Variants in SAMD14 observed in about 807,000 individuals in gnomAD.
The protein encoded by SAMD14 is sterile alpha motif domain containing 14.
Under a neutral mutation model 46.2 loss-of-function variants are expected in SAMD14, and 27 were observed. The observed-to-expected ratio is 0.58, with a 90% CI of 0.43 to 0.81. The LOEUF is 0.81. Among genes scored for constraint, SAMD14 ranks in the 30% least tolerant of loss-of-function variants. The pLI is 0.00. For synonymous variants in SAMD14, 241 were observed against 254.3 expected, an observed-to-expected ratio of 0.95 and a Z score of 0.50; for missense variants, 559 against 582.2, an observed-to-expected ratio of 0.96 and a Z score of 0.41.
chr17:50,114,415 T>A, intron 7 of SAMD14, 109 bp from the exon 8 acceptor site: 1 of 1,613,752 alleles, frequency 6.2e-7, no homozygotes, highest in Non-Finnish European at 8.5e-7. Flanking sequence ...GCTCAGTGCC[T>A]CCTGTGCATG....
intron 1 of SAMD14, chr17:50,125,267 A>T: frequency 2.7e-6 from 1 of 375,094 alleles, no homozygotes; most frequent in East Asian, 5.2e-5. Flanking sequence ...GTGTGCCTTC[A>T]CGTGGGTCAC....
At chr17:50,128,514 C>CACACACACACA (rs1555563464) in intron 1 of SAMD14, among the ~76,000 whole-genome samples, 1 of 137,308 alleles carries the variant, frequency 7.3e-6, no homozygotes, top group Non-Finnish European at 1.5e-5. Context: ...ACACACACAC[C>CACACACACACA]CCCATTCAGC....
At chr17:50,114,448 C>T (rs1287500201) in intron 7 of SAMD14, 142 bp from the exon 8 acceptor site, 3 of 1,612,000 alleles carry the variant, frequency 1.9e-6, no homozygotes, top group South Asian at 2.2e-5. Context: ...GGCCTGCACA[C>T]AGGACATGAT....
At chr17:50,114,859 C>T (rs1208479902) in intron 7 of SAMD14, 1 of 162,178 alleles carries the variant, frequency 6.2e-6, no homozygotes, top group Non-Finnish European at 1.3e-5. Flanking sequence ...TCTCCTCTGC[C>T]CAGCTGCACG....
chr17:50,127,653 G>A (rs1911841367), intron 1 of SAMD14, among the ~76,000 whole-genome samples: 1 of 152,018 alleles, frequency 6.6e-6, no homozygotes, highest in African/African-American at 2.4e-5. Flanking sequence ...AATGCCTGGG[G>A]CTGAAAGCAG....
intron 2 of SAMD14, among the ~76,000 whole-genome samples, chr17:50,119,031 C>A (rs565672092): frequency 6.6e-6 from 1 of 152,188 alleles, no homozygotes; most frequent in African/African-American, 2.4e-5. Context: ...CTGTGCCACG[C>A]GCAGGGTCTC....
Position 50,114,201 on chromosome 17 carries a change from G to T in SAMD14, c.928C>A (p.Gln310Lys). The change falls in exon 8 of 10, where the codon CAG (glutamine) becomes AAG (lysine). Residue 310 changes from glutamine to lysine, a missense_variant. Physicochemically the swap from Gln to Lys is moderately conservative, Grantham distance 53. Coordinates refer to ENST00000330175, the MANE Select transcript of SAMD14 (RefSeq NM_001257359.2). ...GCCTTGCTCACCTCATCTGAAGACT[G>T]AGACAGCGTGTGGTAGGGGTAAGAA... ...KCSYPYHTLS[Q>K]SSDEFLDEPL... 1 of 1,614,202 alleles carries T rather than the reference G, an allele frequency of 6.2e-7. No individual in the cohort carries two copies. Among genetic ancestry groups the T allele is most frequent in the Non-Finnish European group, 8.5e-7 (1 of 1,180,046 alleles).
intron 2 of SAMD14, among the ~76,000 whole-genome samples, 162 bp downstream of exon 2, chr17:50,124,755 G>A (rs576585407): frequency 2.9e-5 from 3 of 102,546 alleles, no homozygotes; most frequent in East Asian, 2.5e-4. Context: ...ATACCTGCAC[G>A]CGTGCACGCG....
At chr17:50,113,891 G>C (rs748168944) in intron 9 of SAMD14, 33 bp downstream of exon 9, 3 of 1,612,732 alleles carry the variant, frequency 1.9e-6, no homozygotes, top group Non-Finnish European at 2.5e-6. Context: ...TCAAGTAACT[G>C]GGCTGGGTCA....
At chr17:50,122,842 C>T (rs778980102) in intron 2 of SAMD14, among the ~76,000 whole-genome samples, 16 of 152,130 alleles carry the variant, frequency 1.1e-4, no homozygotes, top group Non-Finnish European at 1.6e-4. Flanking sequence ...AGGGGGCCAG[C>T]ACAGCCTGCG....
In SAMD14 at chr17:50,121,608, G is replaced by A. The variant is rs1027754898; in HGVS notation, c.44-3281C>T. On this transcript the variant is annotated intron_variant, in intron 2 of 9. Coordinates refer to ENST00000330175, the MANE Select transcript of SAMD14 (RefSeq NM_001257359.2). ...GCTGGGATTACTGGTGTGGGCCATC[G>A]CGCCCGGCCTGAAGCACATTTCTGA... 1.6e-4 allele frequency among the ~76,000 whole-genome samples: 25 copies of A among 152,134 alleles called. 1 individual carries two copies. Among genetic ancestry groups the A allele is most frequent in the African/African-American group, 2.7e-4 (11 of 41,420 alleles).
rs901428003 is a variant in SAMD14 at position 50,124,969 on chromosome 17, G to A, written c.-10C>T. The A allele has an allele frequency of 6.2e-7, 1 of 1,613,966 alleles. No individual in the cohort carries two copies. Among genetic ancestry groups the A allele is most frequent in the Admixed American group, 1.7e-5 (1 of 60,016 alleles). ...GCTTTGAAGAAGCCATGACTCAAGA[G>A]AGCTGGGAAGGACAAGAGGGGAGAG... is the stretch of plus-strand genomic sequence containing the variant. On this transcript the variant is annotated splice_region_variant and 5_prime_UTR_variant, in exon 2 of 10. Transcript: ENST00000330175.
intron 1 of SAMD14, among the ~76,000 whole-genome samples, chr17:50,127,100 C>CAAAAAA (rs11336635): frequency 7.3e-6 from 1 of 137,292 alleles, no homozygotes. Flanking sequence ...GACTCCATCT[C>CAAAAAA]AAAAAAAAAA....
At chr17:50,124,280 G>A (rs1441804090) in intron 2 of SAMD14, 17 of 427,054 alleles carry the variant, frequency 4.0e-5, no homozygotes, top group Non-Finnish European at 7.2e-5. Flanking sequence ...ATGCACCCCA[G>A]TGTGTACTGA....
At position 50,125,085 on chromosome 17, in the gene SAMD14, C is replaced by A. The variant is rs1911704579; in HGVS notation, c.-12-114G>T. On this transcript the variant is annotated intron_variant, in intron 1 of 9. Transcript: ENST00000330175. Reference sequence around the variant, plus strand: ...CTGCTCCAGGCCTGTTGGCCCCTCCCCTTACCTTAGAACCCTTCTTCTGTC... The same window carrying A: ...CTGCTCCAGGCCTGTTGGCCCCTCCACTTACCTTAGAACCCTTCTTCTGTC... 34 of 909,876 alleles carry A rather than the reference C, an allele frequency of 3.7e-5. No homozygotes were observed. The South Asian group carries it at 4.6e-4, about 12-fold the overall frequency. The allele number at this position is 909,876 out of a possible 1,614,324, so 56.4% of individuals were successfully genotyped here.
At chr17:50,116,372 A>C in intron 4 of SAMD14, 1 of 295,376 alleles carries the variant, frequency 3.4e-6, no homozygotes, top group Admixed American at 4.8e-5. Flanking sequence ...AGGAATCACT[A>C]CCATTTACTC....
intron 4 of SAMD14, among the ~76,000 whole-genome samples, chr17:50,117,161 T>G (rs1400870229): frequency 6.6e-6 from 1 of 152,214 alleles, no homozygotes; most frequent in Non-Finnish European, 1.5e-5. Flanking sequence ...ATTTGATTGT[T>G]TCTCCACTAA....
chr17:50,120,427 C>T (rs1911449466), intron 2 of SAMD14, among the ~76,000 whole-genome samples: 1 of 152,102 alleles, frequency 6.6e-6, no homozygotes, highest in South Asian at 2.1e-4. Flanking sequence ...AAACTGCCAT[C>T]ATCTTTTAGC....
At chr17:50,128,777 T>A (rs1249050966) in intron 1 of SAMD14, among the ~76,000 whole-genome samples, 1 of 151,780 alleles carries the variant, frequency 6.6e-6, no homozygotes, top group Non-Finnish European at 1.5e-5. Context: ...ACACACAAAC[T>A]GGCGGAGAGT....
Sources: gnomAD v4.1 joint callset for allele counts (sites outside exome capture counted in the v4.1 genomes callset) on GRCh38, gnomAD v4.1.1 for gene constraint, MANE v1.5 for transcripts, NCBI Gene and HGNC (gene_info 2026-07-23, HGNC 2026-07-21) for gene names.